TAFA1: variants seen among roughly 807,000 people sequenced by gnomAD.
The protein encoded by TAFA1 is TAFA chemokine like family member 1.
TAFA1 carries 4 observed loss-of-function variants against 18.5 expected under a neutral mutation model. The ratio of observed to expected loss-of-function variants is 0.22; its 90% CI spans 0.11 to 0.49. The LOEUF (loss-of-function observed/expected upper bound fraction) is 0.49, where lower values mean the gene tolerates loss of function less well. Among genes scored for constraint, TAFA1 ranks in the 20% least tolerant of loss-of-function variants. TAFA1 has a pLI of 0.98. For synonymous variants in TAFA1, 56 were observed against 55.2 expected (o/e 1.01, Z -0.06); for missense variants, 147 against 169.0 (o/e 0.87, Z 0.72).
intron 2 of TAFA1, among the ~76,000 whole-genome samples, chr3:68,411,677 T>A (rs1375738054): frequency 6.6e-6 from 1 of 152,152 alleles, no homozygotes; most frequent in Admixed American, 6.6e-5. Context: ...AAATAGAATA[T>A]CTCCTTTCTT....
intron 3 of TAFA1, among the ~76,000 whole-genome samples, chr3:68,449,870 C>T (rs942519607): frequency 1.3e-5 from 2 of 152,182 alleles, no homozygotes; most frequent in African/African-American, 4.8e-5. Flanking sequence ...AACAAAAGGT[C>T]TACATGCTTC....
At chr3:68,335,223 G>A (rs1460670771) in intron 2 of TAFA1, among the ~76,000 whole-genome samples, 2 of 152,202 alleles carry the variant, frequency 1.3e-5, no homozygotes, top group African/African-American at 2.4e-5. Context: ...ATTTGCAGCT[G>A]AAAGGAATTA....
At chr3:68,190,381 G>T (rs1008034293) in intron 2 of TAFA1, among the ~76,000 whole-genome samples, 1 of 151,780 alleles carries the variant, frequency 6.6e-6, no homozygotes, top group South Asian at 2.1e-4. Flanking sequence ...CTTGAAAATG[G>T]TTCCACACAC....
intron 2 of TAFA1, among the ~76,000 whole-genome samples, chr3:68,117,829 T>A (rs116733938): frequency 0.031 from 4,688 of 152,356 alleles, 92 homozygotes; most frequent in Non-Finnish European, 0.047. Flanking sequence ...GCCAGTACAT[T>A]TTTTAAAATT....
intron 2 of TAFA1, among the ~76,000 whole-genome samples, chr3:68,351,676 A>T (rs80282060): frequency 0.011 from 1,724 of 152,118 alleles, 33 homozygotes; most frequent in African/African-American, 0.04. Flanking sequence ...TAGGGGTAGC[A>T]ATTTAAGGGA....
At chr3:68,231,086 T>G (rs2107115397) in intron 2 of TAFA1, among the ~76,000 whole-genome samples, 1 of 152,334 alleles carries the variant, frequency 6.6e-6, no homozygotes, top group African/African-American at 2.4e-5. Context: ...TTTTGTTTAT[T>G]TAAATGCATG....
chr3:68,302,602 G>A (rs2068324474), intron 2 of TAFA1, among the ~76,000 whole-genome samples: 1 of 151,654 alleles, frequency 6.6e-6, no homozygotes, highest in Admixed American at 6.6e-5. Flanking sequence ...CCAAGAGAAT[G>A]GAGTACTTGT....
At chr3:68,171,576 CAGG>C (rs1222654402) in intron 2 of TAFA1, among the ~76,000 whole-genome samples, 1 of 152,010 alleles carries the variant, frequency 6.6e-6, no homozygotes, top group African/African-American at 2.4e-5. Context: ...GGCCCATACA[CAGG>C]AAAAGAAGCC....
At chr3:68,281,172 A>C (rs1394781610) in intron 2 of TAFA1, among the ~76,000 whole-genome samples, 5 of 152,122 alleles carry the variant, frequency 3.3e-5, no homozygotes, top group African/African-American at 2.4e-5. Context: ...AGCCCTGTAC[A>C]ATAGGCATGA....
chr3:68,446,883 T>C (rs2071480384), intron 3 of TAFA1, among the ~76,000 whole-genome samples: 1 of 152,172 alleles, frequency 6.6e-6, no homozygotes, highest in Non-Finnish European at 1.5e-5. Context: ...AGTGGAGTAG[T>C]CAGAATGGAC....
At chr3:68,319,084 T>C (rs1324129471) in intron 2 of TAFA1, among the ~76,000 whole-genome samples, 1 of 152,208 alleles carries the variant, frequency 6.6e-6, no homozygotes, top group East Asian at 1.9e-4. Context: ...CTATTTGGCA[T>C]ATTAAGACTA....
chr3:68,144,993 C>A lies in TAFA1; in HGVS notation c.118+138249C>A, dbSNP rs1005252117. The A allele has an allele frequency of 7.4e-6, 11 of 1,478,672 alleles. No homozygotes were observed. In the Admixed American group the frequency reaches 8.5e-5, roughly 11 times the overall value. 91.6% of individuals were successfully genotyped at this position (1,478,672 alleles called of 1,614,324 possible). A position where few individuals can be genotyped will look rare whatever the true frequency, so the allele number is the denominator to read the frequency against. On this transcript the variant is annotated intron_variant, in intron 2 of 4. Transcript: ENST00000478136. ...CATCAAGATGCCTAGGCCCGGAGAC[C>A]GGCCGTGAAGATGCCAGTGGCGGTG...
At chr3:68,371,573 T>G (rs1313822964) in intron 2 of TAFA1, among the ~76,000 whole-genome samples, 1 of 152,206 alleles carries the variant, frequency 6.6e-6, no homozygotes, top group Admixed American at 6.5e-5. Context: ...TTTTTATGGC[T>G]GCATAGTATT....
chr3:68,118,913 T>C (rs576264113), intron 2 of TAFA1, among the ~76,000 whole-genome samples: 1 of 152,358 alleles, frequency 6.6e-6, no homozygotes, highest in East Asian at 1.9e-4. Context: ...CCAAATCATA[T>C]GGTAATTCTA....
chr3:68,383,257 T>G (rs1015505023), intron 2 of TAFA1, among the ~76,000 whole-genome samples: 7 of 73,232 alleles, frequency 9.6e-5, no homozygotes, highest in Non-Finnish European at 1.7e-4. Context: ...TATCCTTGTC[T>G]TTTGCGGGTT....
At chr3:68,410,733 A>AAAAT (rs2070699570) in intron 2 of TAFA1, among the ~76,000 whole-genome samples, 1 of 147,156 alleles carries the variant, frequency 6.8e-6, no homozygotes, top group Non-Finnish European at 1.5e-5. Flanking sequence ...AAAAAAAAAA[A>AAAAT]GGAAGCTGCA....
intron 2 of TAFA1, among the ~76,000 whole-genome samples, chr3:68,157,988 T>A (rs979445212): frequency 2.0e-5 from 3 of 152,164 alleles, no homozygotes; most frequent in Non-Finnish European, 2.9e-5. Flanking sequence ...AGTCTTGGAT[T>A]TAACAAGTTC....
chr3:68,465,001 C>T (rs1373249092), intron 3 of TAFA1, among the ~76,000 whole-genome samples: 1 of 152,112 alleles, frequency 6.6e-6, no homozygotes, highest in East Asian at 1.9e-4. Context: ...CATTCTCTAG[C>T]CTGGAAGATG....
chr3:68,203,124 C>T (rs2066486929), intron 2 of TAFA1, among the ~76,000 whole-genome samples: 1 of 151,776 alleles, frequency 6.6e-6, no homozygotes, highest in Admixed American at 6.6e-5. Flanking sequence ...TCATTTCTCT[C>T]TCTTTTTTGC....
Sources: allele counts gnomAD v4.1 joint callset (sites outside exome capture counted in the v4.1 genomes callset), GRCh38; gene constraint gnomAD v4.1.1; transcripts MANE v1.5; gene names NCBI Gene and HGNC (gene_info 2026-07-23, HGNC 2026-07-21).